C1orf162: variants seen among roughly 807,000 people sequenced by gnomAD.
C1orf162 encodes chromosome 1 open reading frame 162, also known as transmembrane protein C1orf162.
A neutral mutation model predicts 11.4 loss-of-function variants in C1orf162; 10 were observed. The ratio of observed to expected loss-of-function variants is 0.88; its 90% CI spans 0.54 to 1.48. C1orf162 has a LOEUF of 1.48. Ranked by LOEUF, C1orf162 falls within the 40% of genes most tolerant of loss-of-function variation. The pLI is 0.00. For synonymous variants in C1orf162, 53 were observed against 55.0 expected (o/e 0.96, Z 0.16); for missense variants, 140 against 149.5 (o/e 0.94, Z 0.33).
At chr1:111,477,109 A>G in intron 3 of C1orf162, 2 of 634,438 alleles carry the variant, frequency 3.2e-6, no homozygotes, top group South Asian at 3.9e-5. Flanking sequence ...AATTATGAAC[A>G]TTGTGTGGGT....
chr1:111,477,638 C>T, intron 4 of C1orf162, 88 bp from the exon 5 acceptor site: 1 of 1,611,938 alleles, frequency 6.2e-7, no homozygotes, highest in African/African-American at 1.3e-5. Flanking sequence ...CCCCACCCCA[C>T]CCTTCACCCA....
intron 1 of C1orf162, chr1:111,474,601 G>A (rs1320418902): frequency 6.6e-6 from 1 of 152,170 alleles, no homozygotes. Context: ...TCTGCAAAGA[G>A]CACCACTGAC....
chr1:111,475,133 C>G (rs886242186), intron 1 of C1orf162: 3 of 151,842 alleles, frequency 2.0e-5, no homozygotes, highest in Non-Finnish European at 4.4e-5. Flanking sequence ...ATTTGTTAAG[C>G]AAGTTATAGT....
Position 111,476,846 on chromosome 1 carries a change from C to G in C1orf162, c.86C>G (p.Pro29Arg), listed in dbSNP as rs1424621008. 1 of 1,614,026 alleles carries G rather than the reference C, an allele frequency of 6.2e-7. No individual in the cohort carries two copies. Among genetic ancestry groups the G allele is most frequent in the Admixed American group, 1.7e-5 (1 of 60,026 alleles). Residue 29 changes from proline (P) to arginine (R), a missense_variant, in exon 3 of 6, where the codon CCC becomes CGC. Physicochemically the swap from Pro to Arg is moderately radical, Grantham distance 103 (BLOSUM62 -2). Coordinates refer to ENST00000369718, the MANE Select transcript of C1orf162 (RefSeq NM_001300834.2). ...GCAGCCCCAACAACTAGCCCTGCAC[C>G]CTGTCTCTCTAACCACCACAAGTAA... ...STAAPTTSPAPCLSNHHNKKH... is the reference protein window; with the variant it reads ...STAAPTTSPARCLSNHHNKKH...
At chr1:111,477,686 T>C (rs1654044392) in intron 4 of C1orf162, 40 bp from the exon 5 acceptor site, 1 of 1,530,390 alleles carries the variant, frequency 6.5e-7, no homozygotes, top group South Asian at 1.1e-5. Context: ...CCCAGGCCCA[T>C]TGCTGAGATG....
Position 111,477,738 on chromosome 1 carries a change from C to A in C1orf162, c.215C>A (p.Pro72His), listed in dbSNP as rs1377133737. 1.2e-6 allele frequency: 2 copies of A among 1,613,968 alleles called. No homozygotes were observed. ...IKSYRKYHSKPQAPDPHSDPP... is the reference protein window; with the variant it reads ...IKSYRKYHSKHQAPDPHSDPP... The stretch of plus-strand genomic sequence containing the variant: ...GGCACCATGGCAGATCACTCCAAGC[C>A]CCAGGCCCCAGATCCTCACTCAGAT... The change falls in exon 5 of 6, where the codon CCC becomes CAC. Residue 72 changes from proline to histidine, a missense_variant. Pro to His is a moderately conservative substitution (Grantham distance 77). Coordinates refer to ENST00000369718, the MANE Select transcript of C1orf162 (RefSeq NM_001300834.2).
At chr1:111,477,130 G>A (rs41301285) in intron 3 of C1orf162, 38,017 of 637,114 alleles carry the variant, frequency 0.06, 1,900 homozygotes, top group East Asian at 0.19. Context: ...TGAGGGAGGG[G>A]GAGAGGAAGA....
chr1:111,478,271 A>T lies in C1orf162; in HGVS notation c.*148A>T, dbSNP rs1374933160. 2.2e-6 allele frequency: 2 copies of T among 919,780 alleles called. No individual in the cohort carries two copies. Among genetic ancestry groups the T allele is most frequent in the Non-Finnish European group, 1.7e-6 (1 of 603,152 alleles). 57.0% of individuals were successfully genotyped at this position (919,780 alleles called of 1,614,324 possible). A position where few individuals can be genotyped will look rare whatever the true frequency, so the allele number is the denominator to read the frequency against. On this transcript the variant is annotated 3_prime_UTR_variant, in exon 6 of 6. Transcript: ENST00000369718. Reference sequence around the variant, plus strand: ...TAGATGTGATCTGGCAATGCTATCCAGCATCTTTGGAGACCAATGGTCAGT... The same window carrying T: ...TAGATGTGATCTGGCAATGCTATCCTGCATCTTTGGAGACCAATGGTCAGT...
chr1:111,476,837 G>T lies in C1orf162; in HGVS notation c.77G>T (p.Ser26Ile), dbSNP rs2101771483. The change falls in exon 3 of 6, where the codon AGC becomes ATC. Residue 26 changes from serine to isoleucine, a missense_variant. Physicochemically the swap from Ser to Ile is moderately radical, Grantham distance 142. Transcript: ENST00000369718. ...CTCTCCACAGCAGCCCCAACAACTA[G>T]CCCTGCACCCTGTCTCTCTAACCAC... ...GTLSTAAPTT[S>I]PAPCLSNHHN... The T allele has an allele frequency of 6.2e-7, 1 of 1,614,054 alleles. No homozygotes were observed. Among genetic ancestry groups the T allele is most frequent in the East Asian group, 2.2e-5 (1 of 44,886 alleles).
intron 4 of C1orf162, 45 bp downstream of exon 4, chr1:111,477,473 T>C: frequency 6.4e-7 from 1 of 1,560,120 alleles, no homozygotes. Flanking sequence ...CTCTCTGCCA[T>C]TGATACTAGA....
chr1:111,477,849 T>C (rs1654051706), intron 5 of C1orf162, 74 bp downstream of exon 5: 8 of 1,596,326 alleles, frequency 5.0e-6, no homozygotes, highest in Middle Eastern at 3.3e-4. Context: ...CTCTTCATTA[T>C]CTGCTAGAAT....
chr1:111,477,379 A>G lies in C1orf162; in HGVS notation c.153A>G (p.Thr51=), dbSNP rs760829534. The G allele has an allele frequency of 6.2e-7, 1 of 1,614,014 alleles. No homozygotes were observed. The highest frequency in any genetic ancestry group is 1.3e-5 in the African/African-American group (1 of 74,898). ...CCTTTTGTGCTGGGGTTCTACTGAC[A>G]CTGCTGCTGATAGCCTTTATCTTCC... The part of the protein sequence containing the change: ...ILAFCAGVLL[T]LLLIAFIFLI... Residue 51 remains threonine (T), a synonymous_variant, in exon 4 of 6, where the codon ACA becomes ACG. Transcript: ENST00000369718.
In C1orf162 at chr1:111,477,409, C is replaced by G. The variant is rs868833678; in HGVS notation, c.183C>G (p.Ile61Met). Residue 61 changes from isoleucine (I) to methionine (M), a missense_variant, in exon 4 of 6, where the codon ATC becomes ATG. By Grantham distance (10) the Ile-to-Met change is conservative. Transcript: ENST00000369718. Reference sequence around the variant, plus strand: ...TGCTGATAGCCTTTATCTTCCTCATCATAAAGAGCTACAGAAAATGTAAGT... The same window carrying G: ...TGCTGATAGCCTTTATCTTCCTCATGATAAAGAGCTACAGAAAATGTAAGT... ...TLLLIAFIFLIIKSYRKYHSK... is the reference protein window; with the variant it reads ...TLLLIAFIFLMIKSYRKYHSK... 9 of 1,613,176 alleles carry G rather than the reference C, an allele frequency of 5.6e-6. No homozygotes were observed. In the Admixed American group the frequency reaches 1.2e-4, roughly 21 times the overall value.
At chr1:111,477,206 G>A in intron 3 of C1orf162, 128 bp from the exon 4 acceptor site, 2 of 843,462 alleles carry the variant, frequency 2.4e-6, no homozygotes, top group Non-Finnish European at 1.9e-6. Context: ...AAAACCACTG[G>A]GTGAAAGTTC....
Position 111,478,336 on chromosome 1 carries a change from T to C in C1orf162, c.*213T>C. The C allele has an allele frequency of 1.6e-6, 1 of 622,214 alleles. No individual in the cohort carries two copies. The highest frequency in any genetic ancestry group is 2.9e-5 in the Admixed American group (1 of 34,584). The allele number at this position is 622,214 out of a possible 1,614,324, so 38.5% of individuals were successfully genotyped here. A position where few individuals can be genotyped will look rare whatever the true frequency, so the allele number is the denominator to read the frequency against. On this transcript the variant is annotated 3_prime_UTR_variant, in exon 6 of 6. Coordinates refer to ENST00000369718, the MANE Select transcript of C1orf162 (RefSeq NM_001300834.2). Reference sequence around the variant, plus strand: ...AGGAAAGATTGATGGCCCTCCCACTTGAACTGACAGCCTGTGAGCCCCTTG... The same window carrying C: ...AGGAAAGATTGATGGCCCTCCCACTCGAACTGACAGCCTGTGAGCCCCTTG...
chr1:111,474,786 G>A (rs1266495000), intron 1 of C1orf162: 2 of 152,254 alleles, frequency 1.3e-5, no homozygotes, highest in South Asian at 2.1e-4. Flanking sequence ...AAGGTACTTG[G>A]TAATGTTGTT....
chr1:111,475,827 T>A (rs1476622769), intron 1 of C1orf162, 191 bp from the exon 2 acceptor site: 5 of 526,272 alleles, frequency 9.5e-6, no homozygotes, highest in Middle Eastern at 4.7e-4. Flanking sequence ...GAAGGCTGGC[T>A]GCTGAGCTGC....
chr1:111,478,236 C>G lies in C1orf162; in HGVS notation c.*113C>G. On this transcript the variant is annotated 3_prime_UTR_variant, in exon 6 of 6. Transcript: ENST00000369718. ...ACCACCACCTGTGTGAAACTGCAGT[C>G]GGAGTTGTTTAGATGTGATCTGGCA... 2 of 1,297,772 alleles carry G rather than the reference C, an allele frequency of 1.5e-6. No homozygotes were observed. Among genetic ancestry groups the G allele is most frequent in the Non-Finnish European group, 2.2e-6 (2 of 915,944 alleles). 80.4% of individuals were successfully genotyped at this position (1,297,772 alleles called of 1,614,324 possible).
At chr1:111,476,914 T>A in intron 3 of C1orf162, 47 bp downstream of exon 3, 1 of 1,591,306 alleles carries the variant, frequency 6.3e-7, no homozygotes, top group Non-Finnish European at 8.6e-7. Flanking sequence ...CACGTGGGAT[T>A]TGATGTTGTG....
Sources: gnomAD v4.1 joint callset for allele counts on GRCh38, gnomAD v4.1.1 for gene constraint, MANE v1.5 for transcripts, NCBI Gene and HGNC (gene_info 2026-07-23, HGNC 2026-07-21) for gene names.